Variants in NCAPD3 observed in about 807,000 individuals in gnomAD.
The protein encoded by NCAPD3 is condensin-2 complex subunit D3.
A neutral mutation model predicts 182.9 loss-of-function variants in NCAPD3; 105 were observed. The ratio of observed to expected loss-of-function variants is 0.57; its 90% CI spans 0.49 to 0.68. The LOEUF is 0.68. Ranked by LOEUF, NCAPD3 falls within the 30% of genes least tolerant of loss-of-function variation. The pLI is 0.00. For missense variants in NCAPD3, 1,944 were observed against 1,837.0 expected (o/e 1.06, Z -1.07); for synonymous variants, 815 against 679.9 (o/e 1.20, Z -3.09).
chr11:134,185,599 T>G, intron 16 of NCAPD3, 73 bp from the exon 17 acceptor site: 1 of 1,268,352 alleles, frequency 7.9e-7, no homozygotes, highest in South Asian at 1.5e-5. Context: ...GGAGCCTCAC[T>G]GAAAGGGTAT....
chr11:134,157,090 A>T lies in NCAPD3; in HGVS notation c.4180T>A (p.Ser1394Thr). The change falls in exon 32 of 35, where the codon TCA becomes ACA. Residue 1394 changes from serine to threonine, a missense_variant. Ser to Thr is a moderately conservative substitution (Grantham distance 58). Transcript: ENST00000534548. The part of the protein sequence containing the change: ...SPEKTCSQVS[S>T]YSLEQESNGE... ...TTCGACTCTTGCTCCAAACTGTATG[A>T]AGACACTAGAACAGAAAAGGTGCTG... 1 of 1,612,998 alleles carries T rather than the reference A, an allele frequency of 6.2e-7. No individual in the cohort carries two copies. The highest frequency in any genetic ancestry group is 8.5e-7 in the Non-Finnish European group (1 of 1,179,340).
rs1208794374 is a variant in NCAPD3, at chr11:134,168,494, A to C, written c.3348T>G (p.Thr1116=). ...HFTDEQRFNI[T]SKICLSILAC... The stretch of plus-strand genomic sequence containing the variant: ...CCAAAATACTAAGGCAGATTTTGGA[A>C]GTGATGTTGAATCGCTGTTCATCTG... Residue 1116 remains threonine, a synonymous_variant, in exon 26 of 35, where the codon ACT becomes ACG. Coordinates refer to ENST00000534548, the MANE Select transcript of NCAPD3 (RefSeq NM_015261.3). 2.5e-6 allele frequency: 4 copies of C among 1,614,064 alleles called. No individual in the cohort carries two copies. The highest frequency in any genetic ancestry group is 3.4e-6 in the Non-Finnish European group (4 of 1,180,024).
In NCAPD3 at chr11:134,168,461, G is replaced by A. The variant is rs1210203397; in HGVS notation, c.3373+8C>T. On this transcript the variant is annotated splice_region_variant and intron_variant, in intron 26 of 34. Transcript: ENST00000534548. ...ACACACATTTTCTCCCACACACACT[G>A]GGCTTACCCAAAATACTAAGGCAGA... 1 of 1,614,058 alleles carries A rather than the reference G, an allele frequency of 6.2e-7. No individual in the cohort carries two copies. The highest frequency in any genetic ancestry group is 2.2e-5 in the East Asian group (1 of 44,888).
rs954723763 is a variant in NCAPD3, at chr11:134,220,738, T to C, written c.65-12A>G. 24 of 1,609,000 alleles carry C rather than the reference T, an allele frequency of 1.5e-5. No individual in the cohort carries two copies. Among genetic ancestry groups the C allele is most frequent in the Admixed American group, 5.0e-5 (3 of 59,870 alleles). On this transcript the variant is annotated splice_polypyrimidine_tract_variant and intron_variant, in intron 1 of 34. Coordinates refer to ENST00000534548, the MANE Select transcript of NCAPD3 (RefSeq NM_015261.3). ...TGTGTCAACCCATTCTAGGGGAAAA[T>C]GCAATGAAATGTGTAAGTACTCTGT...
rs374465638 is a variant in NCAPD3 at position 134,203,225 on chromosome 11, G to A, written c.1469-27C>T. The A allele has an allele frequency of 4.0e-6, 6 of 1,498,646 alleles. No individual in the cohort carries two copies. The Admixed American group carries it at 6.7e-5, about 17-fold the overall frequency. 92.8% of individuals were successfully genotyped at this position (1,498,646 alleles called of 1,614,324 possible). On this transcript the variant is annotated intron_variant, in intron 11 of 34. Transcript: ENST00000534548. ...TAAAAACAAGAAGAAAGATAAGAAG[G>A]AAGAAGTCAGTATCATAAACTGAGT...
At chr11:134,157,813 GTTAT>G (rs1259637863) in intron 31 of NCAPD3, 111 bp downstream of exon 31, 7 of 1,170,848 alleles carry the variant, frequency 6.0e-6, no homozygotes, top group Non-Finnish European at 8.3e-6. Context: ...CCCAATTAAC[GTTAT>G]TTGTTTTAAA....
intron 13 of NCAPD3, among the ~76,000 whole-genome samples, chr11:134,201,126 G>A (rs576178139): frequency 6.6e-6 from 1 of 151,490 alleles, no homozygotes; most frequent in African/African-American, 2.4e-5. Flanking sequence ...CTGGGTTCAA[G>A]CGATTCTCCT....
At position 134,181,168 on chromosome 11, in the gene NCAPD3, A is replaced by C. The variant is rs1485368035; in HGVS notation, c.2468T>G (p.Val823Gly). 1 of 1,613,638 alleles carries C rather than the reference A, an allele frequency of 6.2e-7. No homozygotes were observed. Among genetic ancestry groups the C allele is most frequent in the African/African-American group, 1.3e-5 (1 of 74,908 alleles). Reference sequence around the variant, plus strand: ...GCAGGTGGAGAGTACATCCCCACACACCTGCGTCAGCAATTCCTACGGCAA... The same window carrying C: ...GCAGGTGGAGAGTACATCCCCACACCCCTGCGTCAGCAATTCCTACGGCAA... ...PAEEQELLTQ[V>G]CGDVLSTCEH... Residue 823 changes from valine (V) to glycine (G), a missense_variant, in exon 20 of 35, where the codon GTG becomes GGG. Coordinates refer to ENST00000534548, the MANE Select transcript of NCAPD3 (RefSeq NM_015261.3).
Position 134,204,288 on chromosome 11 carries a change from T to G in NCAPD3, c.1090-117A>C. 1 of 1,126,260 alleles carries G rather than the reference T, an allele frequency of 8.9e-7. No homozygotes were observed. Among genetic ancestry groups the G allele is most frequent in the Admixed American group, 2.8e-5 (1 of 35,884 alleles). The allele number at this position is 1,126,260 out of a possible 1,614,324, so 69.8% of individuals were successfully genotyped here. On this transcript the variant is annotated intron_variant, in intron 9 of 34. Coordinates refer to ENST00000534548, the MANE Select transcript of NCAPD3 (RefSeq NM_015261.3). This position sits in a 1 kb window ranked among gnomAD's most constrained non-coding sequence, Gnocchi z 4.3. The stretch of plus-strand genomic sequence containing the variant: ...CAACTAGTTCAATGACCTTTAAATG[T>G]TACGTAAATGACTAATAAATTTTAG...
At chr11:134,156,240 G>T (rs1200108404) in intron 32 of NCAPD3, among the ~76,000 whole-genome samples, 1 of 152,154 alleles carries the variant, frequency 6.6e-6, no homozygotes, top group Non-Finnish European at 1.5e-5. Flanking sequence ...TGTGGTCTGT[G>T]GAAACAGTGA....
intron 19 of NCAPD3, among the ~76,000 whole-genome samples, chr11:134,181,858 T>C (rs1394816282): frequency 1.3e-5 from 2 of 152,176 alleles, no homozygotes; most frequent in Non-Finnish European, 2.9e-5. Context: ...ATTTTAGGAA[T>C]GATGACATTA....
intron 16 of NCAPD3, among the ~76,000 whole-genome samples, chr11:134,187,657 T>G (rs1944438586): frequency 6.6e-6 from 1 of 152,044 alleles, no homozygotes; most frequent in African/African-American, 2.4e-5. Flanking sequence ...GAAGCCACCC[T>G]AAGCCAGAAG....
intron 24 of NCAPD3, among the ~76,000 whole-genome samples, chr11:134,172,766 G>A (rs1288031069): frequency 1.3e-5 from 2 of 152,108 alleles, no homozygotes; most frequent in African/African-American, 4.8e-5. Context: ...ACAGGCCGGG[G>A]TGGTGGCTCA....
intron 24 of NCAPD3, among the ~76,000 whole-genome samples, chr11:134,171,555 G>A (rs572628041): frequency 1.3e-5 from 2 of 152,212 alleles, no homozygotes; most frequent in African/African-American, 4.8e-5. Context: ...TCTATCTCAG[G>A]TTAGGACTGG....
chr11:134,191,895 A>C (rs1944532236), intron 16 of NCAPD3, among the ~76,000 whole-genome samples: 3 of 152,250 alleles, frequency 2.0e-5, no homozygotes, highest in Admixed American at 6.5e-5. Flanking sequence ...TCGCCTGCGG[A>C]TGCTGAACAG....
intron 34 of NCAPD3, 35 bp from the exon 35 acceptor site, chr11:134,153,087 CAGAA>C (rs1943305301): frequency 6.2e-7 from 1 of 1,612,026 alleles, no homozygotes; most frequent in Non-Finnish European, 8.5e-7. Context: ...TTCTGGAACT[CAGAA>C]AAACCCTGAC....
At chr11:134,207,486 G>A (rs924000814) in intron 7 of NCAPD3, among the ~76,000 whole-genome samples, 7 of 152,040 alleles carry the variant, frequency 4.6e-5, no homozygotes, top group African/African-American at 9.7e-5. Context: ...AGTGGCTCAC[G>A]CCTGTAATTC....
chr11:134,165,517 ACACT>A (rs1372513791), intron 27 of NCAPD3, among the ~76,000 whole-genome samples: 5 of 144,060 alleles, frequency 3.5e-5, no homozygotes, highest in Admixed American at 6.9e-5. Context: ...CGGGAGCAGC[ACACT>A]CACTTGTGAG....
intron 24 of NCAPD3, among the ~76,000 whole-genome samples, chr11:134,172,790 C>A (rs1300757881): frequency 6.6e-6 from 1 of 152,000 alleles, no homozygotes; most frequent in Non-Finnish European, 1.5e-5. Context: ...CCAATCCCAG[C>A]ACTTTGGGAG....
Sources: gnomAD v4.1 joint callset for allele counts (sites outside exome capture counted in the v4.1 genomes callset) on GRCh38, gnomAD v4.1.1 for gene constraint, Gnocchi (gnomAD v3.1) non-coding constraint, MANE v1.5 for transcripts, NCBI Gene and HGNC (gene_info 2026-07-23, HGNC 2026-07-21) for gene names.